The following DENND4C variants were observed in gnomAD, a reference collection of about 807,000 sequenced individuals.
DENND4C encodes the protein DENN domain containing 4C.
Under a neutral mutation model 203.0 loss-of-function variants are expected in DENND4C, and 108 were observed. The ratio of observed to expected loss-of-function variants is 0.53; its 90% confidence interval spans 0.46 to 0.62. The LOEUF (loss-of-function observed/expected upper bound fraction) is 0.62, where lower values mean the gene tolerates loss of function less well. Ranked by LOEUF, DENND4C falls within the 20% of genes least tolerant of loss-of-function variation. DENND4C has a pLI of 0.00. For synonymous variants in DENND4C, 871 were observed against 792.4 expected (o/e 1.10, Z -1.67); for missense variants, 2,481 against 2,301.2 (o/e 1.08, Z -1.60).
At chr9:19,337,806 A>G (rs991497072) in intron 20 of DENND4C, 2 of 401,026 alleles carry the variant, frequency 5.0e-6, no homozygotes, top group African/African-American at 4.2e-5. Flanking sequence ...GATAAATGTA[A>G]TCATATATAG....
chr9:19,329,928 C>T (rs1818701822), intron 16 of DENND4C, among the ~76,000 whole-genome samples: 1 of 152,156 alleles, frequency 6.6e-6, no homozygotes, highest in Non-Finnish European at 1.5e-5. Context: ...AATTAAACAT[C>T]CTTTATACAT....
intron 30 of DENND4C, 56 bp from the exon 31 acceptor site, chr9:19,369,781 A>T (rs575475957): frequency 9.7e-7 from 1 of 1,030,158 alleles, no homozygotes. Flanking sequence ...AAAAAAAAAT[A>T]ATAATAATAA....
In DENND4C at chr9:19,304,802, G is replaced by A. The variant is rs190237936; in HGVS notation, c.1312-550G>A. Among the ~76,000 whole-genome samples, 1,048 of 151,114 alleles carry A rather than the reference G, an allele frequency of 6.9e-3. 12 individuals carry two copies. Among genetic ancestry groups the A allele is most frequent in the African/African-American group, 0.025 (1,009 of 41,160 alleles). On this transcript the variant is annotated intron_variant, in intron 9 of 32. Coordinates refer to ENST00000434457, the MANE Select transcript of DENND4C (RefSeq NM_001330640.2). ...CTGACCTTGTGATCCACCCGCCTTG[G>A]CCTCCCAAAGTGCTGGGATTACAGG...
chr9:19,351,878 C>G (rs1165404530), intron 24 of DENND4C, among the ~76,000 whole-genome samples, 195 bp from the exon 25 acceptor site: 1 of 151,572 alleles, frequency 6.6e-6, no homozygotes, highest in African/African-American at 2.4e-5. Flanking sequence ...AATGAACAAT[C>G]ATGTATTTTC....
At chr9:19,331,427 T>G (rs1819141517) in intron 16 of DENND4C, among the ~76,000 whole-genome samples, 1 of 152,096 alleles carries the variant, frequency 6.6e-6, no homozygotes, top group Non-Finnish European at 1.5e-5. Context: ...GGTCTTGATC[T>G]CCTGACCTCG....
rs1825601509 is a variant in DENND4C, at chr9:19,357,108, C to T, written c.4918C>T (p.His1640Tyr). 1.9e-6 allele frequency: 3 copies of T among 1,613,880 alleles called. No homozygotes were observed. Among genetic ancestry groups the T allele is most frequent in the South Asian group, 1.1e-5 (1 of 91,070 alleles). The change falls in exon 27 of 33, where the codon CAT becomes TAT. Residue 1640 changes from histidine (H) to tyrosine (Y), a missense_variant. Transcript: ENST00000434457. ...GATCAACTTTATGGACTTCCCAAAA[C>T]ATAACCAGATCATAACTGAAGAAAC... is the stretch of plus-strand genomic sequence containing the variant. Reference protein sequence around the residue: ...DLINFMDFPKHNQIITEETGS... With the variant: ...DLINFMDFPKYNQIITEETGS...
At chr9:19,315,474 A>C (rs1334643390) in intron 10 of DENND4C, among the ~76,000 whole-genome samples, 2 of 150,582 alleles carry the variant, frequency 1.3e-5, no homozygotes, top group African/African-American at 4.9e-5. Flanking sequence ...TGTATTTTAT[A>C]TTCTTATATT....
chr9:19,249,324 C>T (rs1826002235), intron 1 of DENND4C, among the ~76,000 whole-genome samples: 1 of 151,528 alleles, frequency 6.6e-6, no homozygotes. Context: ...ACGATCTTGG[C>T]TCACTGCAAC....
At position 19,343,284 on chromosome 9, in the gene DENND4C, C is replaced by T. The variant is rs1822072514; in HGVS notation, c.3151+505C>T. Among the ~76,000 whole-genome samples, 2 of 152,176 alleles carry T rather than the reference C, an allele frequency of 1.3e-5. 1 individual carries two copies. The highest frequency in any genetic ancestry group is 4.8e-5 in the African/African-American group (2 of 41,436). On this transcript the variant is annotated intron_variant, in intron 22 of 32. Transcript: ENST00000434457. ...TTTTATTTGTGATTAAGTGTTTGTA[C>T]TAAATAACTCTGTGTGTATGACTCC...
At position 19,328,145 on chromosome 9, in the gene DENND4C, G is replaced by T; in HGVS notation, c.2236G>T (p.Ala746Ser). Residue 746 changes from alanine (A) to serine (S), a missense_variant, in exon 16 of 33, where the codon GCT becomes TCT. By Grantham distance (99) the Ala-to-Ser change is moderately conservative. Transcript: ENST00000434457. ...NSITKSPPLM[A>S]KRTKQEIKTA... ...CATTACAAAGAGTCCACCTCTCATG[G>T]CTAAGAGAACTAAACAGGTCAGATA... The T allele has an allele frequency of 1.2e-6, 2 of 1,609,582 alleles. No homozygotes were observed. The highest frequency in any genetic ancestry group is 2.7e-5 in the African/African-American group (2 of 74,644).
At chr9:19,307,413 A>G (rs1194530088) in intron 10 of DENND4C, among the ~76,000 whole-genome samples, 1 of 149,530 alleles carries the variant, frequency 6.7e-6, no homozygotes, top group Admixed American at 6.7e-5. Flanking sequence ...AAAAAAAAAA[A>G]GAAGAAATAC....
At chr9:19,336,102 T>C (rs1010255804) in intron 18 of DENND4C, among the ~76,000 whole-genome samples, 168 bp from the exon 19 acceptor site, 5 of 152,162 alleles carry the variant, frequency 3.3e-5, no homozygotes, top group African/African-American at 4.8e-5. Context: ...AATTTGCATT[T>C]CTCTGATGTT....
rs536547187 is a variant in DENND4C at position 19,344,937 on chromosome 9, A to T, written c.3152-984A>T. ...CTTCCAGGTTGCAGAGTGCTAACTT[A>T]TTGTATCCTCGTACAGCAGAGAAGG... On this transcript the variant is annotated intron_variant, in intron 22 of 32. Coordinates refer to ENST00000434457, the MANE Select transcript of DENND4C (RefSeq NM_001330640.2). 4.7e-4 allele frequency among the ~76,000 whole-genome samples: 72 copies of T among 152,302 alleles called. No homozygotes were observed. In the South Asian group the frequency reaches 0.011, roughly 24 times the overall value.
rs1829090737 is a variant in DENND4C at position 19,372,952 on chromosome 9, T to TAA, written c.*780_*781dup. ...GGTATGTGTATATACAGCCATATTC[T>TAA]AAGTGTATATTTATTAAAATAGATT... On this transcript the variant is annotated 3_prime_UTR_variant, in exon 33 of 33. Transcript: ENST00000434457. 2 of 151,914 alleles carry TAA rather than the reference T, an allele frequency of 1.3e-5. No individual in the cohort carries two copies. The highest frequency in any genetic ancestry group is 2.9e-5 in the Non-Finnish European group (2 of 67,984). The allele number at this position is 151,914 out of a possible 1,614,324, so 9.4% of individuals were successfully genotyped here.
intron 1 of DENND4C, among the ~76,000 whole-genome samples, chr9:19,266,576 A>G (rs1032042881): frequency 6.6e-6 from 1 of 152,202 alleles, no homozygotes. Flanking sequence ...ACTTCAAACT[A>G]TACTACAAGG....
intron 26 of DENND4C, among the ~76,000 whole-genome samples, chr9:19,356,110 A>G (rs1825339689): frequency 6.6e-6 from 1 of 152,138 alleles, no homozygotes. Flanking sequence ...ATGAGCACGC[A>G]AATATCTACC....
intron 18 of DENND4C, among the ~76,000 whole-genome samples, 191 bp downstream of exon 18, chr9:19,335,296 A>G (rs531925808): frequency 9.9e-5 from 15 of 152,272 alleles, no homozygotes; most frequent in Admixed American, 6.5e-5. Flanking sequence ...TGAGATATGT[A>G]TATTGTGGAA....
At chr9:19,366,570 C>G (rs896670760) in intron 30 of DENND4C, among the ~76,000 whole-genome samples, 2 of 152,002 alleles carry the variant, frequency 1.3e-5, no homozygotes, top group South Asian at 4.2e-4. Flanking sequence ...CGCCACTGCA[C>G]TCCAGCCTGG....
rs1269373937 is a variant in DENND4C, at chr9:19,350,222, CA to C, written c.4318-479del. ...AGATTCCCAGCCGAAATTATCACAG[CA>C]GCTTTATTTGAAACAACTCATATTA... On this transcript the variant is annotated intron_variant, in intron 23 of 32. Coordinates refer to ENST00000434457, the MANE Select transcript of DENND4C (RefSeq NM_001330640.2). Among the ~76,000 whole-genome samples the C allele has an allele frequency of 5.7e-4, 86 of 152,168 alleles. 2 individuals are homozygous for C. Among genetic ancestry groups the C allele is most frequent in the Admixed American group, 5.6e-3 (86 of 15,282 alleles).
Sources: allele counts gnomAD v4.1 joint callset (sites outside exome capture counted in the v4.1 genomes callset), GRCh38; gene constraint gnomAD v4.1.1; transcripts MANE v1.5; gene names NCBI Gene and HGNC (gene_info 2026-07-23, HGNC 2026-07-21).